Variants in AKAP19 observed in about 807,000 individuals in gnomAD.
The protein encoded by AKAP19 is A-kinase anchoring protein 19.
At chr2:189,981,283 T>A in the AKAP19 span, among the ~76,000 whole-genome samples, 1 of 151,912 alleles carries the variant, frequency 6.6e-6, no homozygotes, top group East Asian at 1.9e-4. Flanking sequence ...CTTTTTTTTT[T>A]TTTTTTTTGC....
chr2:189,950,027 G>GGTT, the AKAP19 span, among the ~76,000 whole-genome samples: 1 of 34,994 alleles, frequency 2.9e-5, no homozygotes, highest in Non-Finnish European at 6.6e-5. Context: ...TTTGGTTTTG[G>GGTT]GTTTTTTTTT....
At chr2:190,200,057 CTCAGGAT>C in the AKAP19 span, 1 of 1,614,074 alleles carries the variant, frequency 6.2e-7, no homozygotes. Flanking sequence ...CACCGCCTGT[CTCAGGAT>C]ATCTTGTGTG....
chr2:190,142,574 C>T, the AKAP19 span, among the ~76,000 whole-genome samples: 1 of 152,218 alleles, frequency 6.6e-6, no homozygotes, highest in African/African-American at 2.4e-5. Flanking sequence ...GGACCAGAGG[C>T]TTCCCTATCT....
the AKAP19 span, chr2:189,924,346 C>G: frequency 1.1e-6 from 1 of 873,866 alleles, no homozygotes; most frequent in Non-Finnish European, 1.8e-6. Flanking sequence ...CCATCCTTGT[C>G]CTTCCCATGT....
the AKAP19 span, among the ~76,000 whole-genome samples, chr2:189,921,484 G>A: frequency 6.6e-6 from 1 of 152,166 alleles, no homozygotes; most frequent in Non-Finnish European, 1.5e-5. Flanking sequence ...ATGGTGATTT[G>A]TAGAGATTAG....
At chr2:190,059,909 C>T in the AKAP19 span, among the ~76,000 whole-genome samples, 11 of 151,846 alleles carry the variant, frequency 7.2e-5, no homozygotes, top group African/African-American at 2.7e-4. Flanking sequence ...AATTGGACAC[C>T]TACTTTTATT....
At chr2:190,181,284 C>T in the AKAP19 span, 46 of 386,338 alleles carry the variant, frequency 1.2e-4, no homozygotes, top group Non-Finnish European at 1.6e-4. Context: ...ACATCTCCGT[C>T]CCCTAATCGA....
At chr2:190,047,009 G>GT in the AKAP19 span, among the ~76,000 whole-genome samples, 1 of 152,108 alleles carries the variant, frequency 6.6e-6, no homozygotes, top group South Asian at 2.1e-4. Context: ...TTTAAAGTGA[G>GT]TTTTTTAAGA....
chr2:189,918,370 C>T, the AKAP19 span, among the ~76,000 whole-genome samples: 1 of 152,130 alleles, frequency 6.6e-6, no homozygotes, highest in African/African-American at 2.4e-5. Context: ...ACTCCCTTTT[C>T]CTTCATCTGA....
chr2:190,117,820 C>G, the AKAP19 span, among the ~76,000 whole-genome samples: 1 of 152,206 alleles, frequency 6.6e-6, no homozygotes, highest in Non-Finnish European at 1.5e-5. Flanking sequence ...GGAAGACAGA[C>G]TCTTTGGATC....
the AKAP19 span, among the ~76,000 whole-genome samples, chr2:189,973,441 TTC>T: frequency 6.6e-5 from 10 of 152,296 alleles, no homozygotes; most frequent in South Asian, 2.1e-3. Context: ...TGGTCTAAAA[TTC>T]TCTTTTTTGG....
At chr2:190,189,984 T>C in the AKAP19 span, 1 of 152,238 alleles carries the variant, frequency 6.6e-6, no homozygotes, top group African/African-American at 2.4e-5. Flanking sequence ...CTCTGGATGC[T>C]GCCCATAGGC....
chr2:189,944,124 G>A, the AKAP19 span, among the ~76,000 whole-genome samples: 8 of 152,084 alleles, frequency 5.3e-5, no homozygotes, highest in Admixed American at 2.0e-4. Context: ...GGGAGAGGCC[G>A]GGGCAGAGTG....
At chr2:189,927,038 C>T in the AKAP19 span, among the ~76,000 whole-genome samples, 492 of 152,112 alleles carry the variant, frequency 3.2e-3, 4 homozygotes, top group African/African-American at 0.011. Flanking sequence ...TGCACACCAC[C>T]ATGCCTGGTT....
At chr2:190,195,640 C>A in the AKAP19 span, among the ~76,000 whole-genome samples, 2 of 152,272 alleles carry the variant, frequency 1.3e-5, no homozygotes, top group South Asian at 4.1e-4. Context: ...TTTAAAAGTT[C>A]TTTGTATACT....
At chr2:189,936,158 T>G in the AKAP19 span, among the ~76,000 whole-genome samples, 1 of 152,118 alleles carries the variant, frequency 6.6e-6, no homozygotes, top group African/African-American at 2.4e-5. Flanking sequence ...AACATGTATA[T>G]GTCTCCATAT....
chr2:189,931,048 T>C, the AKAP19 span: 2 of 511,502 alleles, frequency 3.9e-6, no homozygotes, highest in African/African-American at 4.0e-5. Flanking sequence ...ATCTGTGCAC[T>C]GACAGTCTTC....
the AKAP19 span, among the ~76,000 whole-genome samples, chr2:190,039,972 T>C: frequency 6.6e-6 from 1 of 152,240 alleles, no homozygotes; most frequent in Non-Finnish European, 1.5e-5. Context: ...TGAATACTGC[T>C]GCAATGAACA....
chr2:189,907,101 C>T, the AKAP19 span, among the ~76,000 whole-genome samples: 1 of 152,180 alleles, frequency 6.6e-6, no homozygotes, highest in Non-Finnish European at 1.5e-5. Flanking sequence ...CTTCACACAG[C>T]AGCCAGACCA....
Sources: gnomAD v4.1 joint callset for allele counts (sites outside exome capture counted in the v4.1 genomes callset) on GRCh38, gnomAD v4.1.1 for gene constraint, MANE v1.5 for transcripts, NCBI Gene and HGNC (gene_info 2026-07-23, HGNC 2026-07-21) for gene names.